Variants in UBL3 observed in about 807,000 individuals in gnomAD.
The protein encoded by UBL3 is ubiquitin like 3.
A neutral mutation model predicts 18.4 loss-of-function variants in UBL3; 6 were observed. That is an observed-to-expected ratio of 0.33 (90% CI 0.18 to 0.64). The LOEUF (loss-of-function observed/expected upper bound fraction) is 0.64, where lower values mean the gene tolerates loss of function less well. Among genes scored for constraint, UBL3 ranks in the 30% least tolerant of loss-of-function variants. The probability of loss-of-function intolerance (pLI) is 0.76; values close to 1 mark genes in which losing one functional copy is unlikely to be tolerated. For synonymous variants in UBL3, 49 were observed against 46.6 expected (o/e 1.05, Z -0.21); for missense variants, 109 against 142.9 (o/e 0.76, Z 1.21).
intron 1 of UBL3, among the ~76,000 whole-genome samples, chr13:29,842,098 G>A (rs535664015): frequency 6.8e-6 from 1 of 147,672 alleles, no homozygotes; most frequent in Admixed American, 6.7e-5. Context: ...TTCCAGCACA[G>A]CCCAAACCCT....
At chr13:29,828,630 T>G (rs1878686767) in intron 1 of UBL3, among the ~76,000 whole-genome samples, 1 of 152,228 alleles carries the variant, frequency 6.6e-6, no homozygotes, top group African/African-American at 2.4e-5. Flanking sequence ...AACTTCCTCC[T>G]TTAGCTCGGA....
chr13:29,804,166 C>G (rs1259458869), intron 1 of UBL3, among the ~76,000 whole-genome samples: 1 of 150,874 alleles, frequency 6.6e-6, no homozygotes, highest in Non-Finnish European at 1.5e-5. Flanking sequence ...CTAAGAAAAT[C>G]ACTCAAAACC....
intron 1 of UBL3, among the ~76,000 whole-genome samples, chr13:29,819,541 T>C (rs909991950): frequency 1.3e-5 from 2 of 152,218 alleles, no homozygotes; most frequent in Admixed American, 6.5e-5. Flanking sequence ...GAAGATTTAA[T>C]ACAATAAAGC....
chr13:29,840,105 G>A (rs1438784132), intron 1 of UBL3, among the ~76,000 whole-genome samples: 1 of 151,838 alleles, frequency 6.6e-6, no homozygotes. Flanking sequence ...TCTGAAAATG[G>A]ACTCTGAAAA....
intron 1 of UBL3, among the ~76,000 whole-genome samples, chr13:29,807,273 T>C (rs542325164): frequency 7.2e-5 from 11 of 152,298 alleles, no homozygotes; most frequent in South Asian, 2.1e-4. Context: ...GTCAGGAACC[T>C]TGGACTCTCC....
At chr13:29,843,480 A>G (rs547036150) in intron 1 of UBL3, among the ~76,000 whole-genome samples, 13 of 152,304 alleles carry the variant, frequency 8.5e-5, no homozygotes, top group African/African-American at 1.9e-4. Context: ...AAGAGCTGTC[A>G]TAAGTCATAC....
intron 1 of UBL3, among the ~76,000 whole-genome samples, chr13:29,840,470 C>T (rs6490431): frequency 0.97 from 147,799 of 152,288 alleles, 71,786 homozygotes; most frequent in Non-Finnish European, 1. Context: ...CCCAACTCAT[C>T]TTATGAGGTC....
chr13:29,816,789 A>C (rs1878295021), intron 1 of UBL3, among the ~76,000 whole-genome samples: 1 of 150,520 alleles, frequency 6.6e-6, no homozygotes. Flanking sequence ...AAAAGGAACA[A>C]TGTTGAACTC....
intron 1 of UBL3, among the ~76,000 whole-genome samples, chr13:29,837,915 C>CAATAATAATAAT (rs373812724): frequency 0.031 from 4,374 of 141,436 alleles, 113 homozygotes; most frequent in African/African-American, 0.06. Flanking sequence ...GACTCTGTCT[C>CAATAATAATAAT]AATAATAATA....
chr13:29,783,041 G>C (rs1285877088), intron 1 of UBL3, among the ~76,000 whole-genome samples: 1 of 152,220 alleles, frequency 6.6e-6, no homozygotes, highest in Admixed American at 6.5e-5. Flanking sequence ...AGAAAGGTCA[G>C]AGCTGATTCA....
intron 1 of UBL3, among the ~76,000 whole-genome samples, chr13:29,808,164 C>T (rs959227055): frequency 1.3e-5 from 2 of 152,124 alleles, no homozygotes; most frequent in African/African-American, 2.4e-5. Flanking sequence ...AATCACCTTC[C>T]ATTTTCCTTC....
At chr13:29,792,400 G>GA (rs1877504879) in intron 1 of UBL3, among the ~76,000 whole-genome samples, 2 of 151,894 alleles carry the variant, frequency 1.3e-5, no homozygotes, top group African/African-American at 2.4e-5. Flanking sequence ...TCTAAAGAGG[G>GA]AAAAAAATAA....
intron 1 of UBL3, among the ~76,000 whole-genome samples, chr13:29,794,197 C>T (rs1267513283): frequency 6.6e-6 from 1 of 152,124 alleles, no homozygotes; most frequent in Non-Finnish European, 1.5e-5. Context: ...TGTTTGAACA[C>T]TTACCAATAC....
At chr13:29,820,581 A>T (rs913508863) in intron 1 of UBL3, among the ~76,000 whole-genome samples, 5 of 152,274 alleles carry the variant, frequency 3.3e-5, no homozygotes, top group African/African-American at 1.2e-4. Flanking sequence ...TGGTTCCTAT[A>T]TTTGAAATAG....
chr13:29,777,818 G>C (rs748429609), intron 1 of UBL3, among the ~76,000 whole-genome samples: 2 of 152,144 alleles, frequency 1.3e-5, no homozygotes, highest in Non-Finnish European at 2.9e-5. Flanking sequence ...CCAGGCTGGA[G>C]TGTAGTGGTA....
chr13:29,782,666 G>A (rs1489278219), intron 1 of UBL3, among the ~76,000 whole-genome samples: 2 of 152,054 alleles, frequency 1.3e-5, no homozygotes, highest in Admixed American at 1.3e-4. Flanking sequence ...AAAGTAGTTT[G>A]GAAGTATAAA....
Position 29,767,654 on chromosome 13 carries a change from C to A in UBL3, c.265G>T (p.Val89Leu), listed in dbSNP as rs753285025. ...GGCTCTGGTAATGTCTCTCTGGCCA[C>A]CAAATGCATCACTGTTGTTTTGCCA... ...PFGKTTVMHL[V>L]ARETLPEPNS... The change falls in exon 4 of 5, where the codon GTG becomes TTG. Residue 89 changes from valine (V) to leucine (L), a missense_variant. Coordinates refer to ENST00000380680, the MANE Select transcript of UBL3 (RefSeq NM_007106.4). 2.5e-6 allele frequency: 4 copies of A among 1,612,990 alleles called. No individual in the cohort carries two copies. Among genetic ancestry groups the A allele is most frequent in the Non-Finnish European group, 3.4e-6 (4 of 1,179,238 alleles).
intron 1 of UBL3, among the ~76,000 whole-genome samples, chr13:29,804,259 C>T (rs1877845228): frequency 1.3e-5 from 2 of 151,970 alleles, no homozygotes; most frequent in African/African-American, 4.8e-5. Context: ...TCAAGAAATG[C>T]TTTGAAACTA....
intron 1 of UBL3, among the ~76,000 whole-genome samples, chr13:29,829,702 C>T (rs1171847801): frequency 6.6e-6 from 1 of 152,140 alleles, no homozygotes; most frequent in East Asian, 1.9e-4. Context: ...TGTCCTGCAC[C>T]CACTATATGA....
Sources: allele counts gnomAD v4.1 joint callset (sites outside exome capture counted in the v4.1 genomes callset), GRCh38; gene constraint gnomAD v4.1.1; transcripts MANE v1.5; gene names NCBI Gene and HGNC (gene_info 2026-07-23, HGNC 2026-07-21).